The following ITPR1 variants were observed in gnomAD, a reference collection of about 807,000 sequenced individuals.
ITPR1 encodes the protein inositol 1,4,5-trisphosphate-gated calcium channel ITPR1.
In ITPR1, 96 loss-of-function variants were observed where a neutral mutation model predicts 318.4. The observed-to-expected ratio is 0.30, with a 90% confidence interval of 0.26 to 0.36. ITPR1 has a LOEUF of 0.36. Among genes scored for constraint, ITPR1 ranks in the 10% least tolerant of loss-of-function variants. The pLI, the probability that ITPR1 is intolerant of heterozygous loss-of-function variation, is 1.00. For missense variants in ITPR1, 2,440 were observed against 3,460.2 expected (o/e 0.71, Z 7.40); for synonymous variants, 1,312 against 1,289.9 (o/e 1.02, Z -0.37).
intron 60 of ITPR1, among the ~76,000 whole-genome samples, chr3:4,835,576 G>GTT (rs1266615321): frequency 6.6e-6 from 1 of 152,100 alleles, no homozygotes; most frequent in Non-Finnish European, 1.5e-5. Flanking sequence ...GTGTGTGTGT[G>GTT]TGTGGGAGGG....
Position 4,732,124 on chromosome 3 carries a change from C to T in ITPR1, c.5221-964C>T, listed in dbSNP as rs369310031. On this transcript the variant is annotated intron_variant, in intron 42 of 61. Coordinates refer to ENST00000649015, the MANE Select transcript of ITPR1 (RefSeq NM_001378452.1). ...GTGGTCTTGGGGCCCCTTAGGAGTG[C>T]GGGTGAAAGTGTAGAGCTGAGAATG... Among the ~76,000 whole-genome samples, 10 of 152,200 alleles carry T rather than the reference C, an allele frequency of 6.6e-5. No homozygotes were observed. In the South Asian group the frequency reaches 8.3e-4, roughly 13 times the overall value.
chr3:4,534,669 T>A (rs947056401), intron 4 of ITPR1, among the ~76,000 whole-genome samples: 1 of 152,192 alleles, frequency 6.6e-6, no homozygotes, highest in Non-Finnish European at 1.5e-5. Flanking sequence ...CCGGGTACAT[T>A]TGAGTTCCAA....
At chr3:4,518,947 G>A (rs1327492691) in intron 3 of ITPR1, among the ~76,000 whole-genome samples, 3 of 152,106 alleles carry the variant, frequency 2.0e-5, no homozygotes, top group Non-Finnish European at 4.4e-5. Context: ...CAGGATTCTT[G>A]GGCCTCATCC....
At chr3:4,833,322 G>A (rs147839238) in intron 60 of ITPR1, among the ~76,000 whole-genome samples, 119 of 152,286 alleles carry the variant, frequency 7.8e-4, no homozygotes, top group African/African-American at 2.6e-3. Flanking sequence ...TAAACTTTCG[G>A]CTATGTGCAG....
At chr3:4,620,923 C>T (rs146595622) in intron 4 of ITPR1, among the ~76,000 whole-genome samples, 2 of 151,946 alleles carry the variant, frequency 1.3e-5, no homozygotes, top group East Asian at 1.9e-4. Flanking sequence ...TTTTCTGCCA[C>T]CCCCCACCCT....
At chr3:4,754,970 G>A (rs1015132520) in intron 44 of ITPR1, among the ~76,000 whole-genome samples, 38 of 152,286 alleles carry the variant, frequency 2.5e-4, no homozygotes, top group African/African-American at 8.4e-4. Context: ...ACTGGCCTTT[G>A]GCATCTGTTT....
At chr3:4,697,016 C>A in intron 33 of ITPR1, 131 bp from the exon 34 acceptor site, 1 of 674,268 alleles carries the variant, frequency 1.5e-6, no homozygotes, top group African/African-American at 1.8e-5. Context: ...ATCAGAAAAT[C>A]ATAGAAGTAA....
At chr3:4,740,920 A>G (rs1257627685) in intron 44 of ITPR1, among the ~76,000 whole-genome samples, 1 of 152,216 alleles carries the variant, frequency 6.6e-6, no homozygotes, top group Non-Finnish European at 1.5e-5. Flanking sequence ...GTCAGCCCCC[A>G]GAAGAAATAT....
chr3:4,617,313 A>G (rs1035724440), intron 4 of ITPR1, among the ~76,000 whole-genome samples: 9 of 152,118 alleles, frequency 5.9e-5, no homozygotes, highest in East Asian at 3.9e-4. Context: ...GGGAAGTCCA[A>G]TGTCAAGGTG....
At chr3:4,724,706 C>G (rs9866867) in intron 40 of ITPR1, among the ~76,000 whole-genome samples, 6 of 152,094 alleles carry the variant, frequency 3.9e-5, no homozygotes, top group Non-Finnish European at 2.9e-5. Context: ...GCAGATGGAG[C>G]GGTGGACTTT....
chr3:4,508,707 G>A, intron 2 of ITPR1, among the ~76,000 whole-genome samples: 1 of 152,092 alleles, frequency 6.6e-6, no homozygotes, highest in East Asian at 1.9e-4. Context: ...GAGTGGAAGA[G>A]GTTCTAAATA....
intron 59 of ITPR1, chr3:4,816,032 G>A (rs1335800588): frequency 1.3e-5 from 2 of 151,770 alleles, no homozygotes; most frequent in Non-Finnish European, 2.9e-5. Context: ...TAATGTGAGT[G>A]GCTGACAGTG....
intron 4 of ITPR1, among the ~76,000 whole-genome samples, chr3:4,607,429 C>T (rs538770127): frequency 4.6e-5 from 7 of 152,194 alleles, no homozygotes; most frequent in South Asian, 4.1e-4. Context: ...CACCCAGGTC[C>T]GTGTGTTTTA....
intron 4 of ITPR1, among the ~76,000 whole-genome samples, chr3:4,529,251 C>G (rs891553115): frequency 2.0e-5 from 3 of 152,138 alleles, no homozygotes; most frequent in Admixed American, 1.3e-4. Flanking sequence ...AATGGAGAAC[C>G]ATTTTCACTA....
At chr3:4,589,324 G>A (rs2090188876) in intron 4 of ITPR1, among the ~76,000 whole-genome samples, 1 of 152,170 alleles carries the variant, frequency 6.6e-6, no homozygotes, top group African/African-American at 2.4e-5. Flanking sequence ...AATGGTGGTT[G>A]AGGCCCATTT....
intron 4 of ITPR1, among the ~76,000 whole-genome samples, chr3:4,557,015 A>G (rs1247879395): frequency 6.6e-6 from 1 of 152,194 alleles, no homozygotes. Context: ...CAGAAAGGAC[A>G]ATGTAGTAAG....
At position 4,732,967 on chromosome 3, in the gene ITPR1, T is replaced by C. The variant is rs2043028701; in HGVS notation, c.5221-121T>C. 3.1e-6 allele frequency: 3 copies of C among 956,644 alleles called. No homozygotes were observed. In the South Asian group the frequency reaches 4.3e-5, roughly 14 times the overall value. 59.3% of individuals were successfully genotyped at this position (956,644 alleles called of 1,614,324 possible). A position where few individuals can be genotyped will look rare whatever the true frequency, so the allele number is the denominator to read the frequency against. On this transcript the variant is annotated intron_variant, in intron 42 of 61. Transcript: ENST00000649015. ...TTTCTAAATGCTTCCATGAATAATT[T>C]ATTCTTTCGCCAAGTGAAACTGGGC... is the stretch of plus-strand genomic sequence containing the variant.
intron 4 of ITPR1, among the ~76,000 whole-genome samples, chr3:4,614,677 G>T (rs1474098280): frequency 2.0e-5 from 3 of 152,162 alleles, no homozygotes; most frequent in Non-Finnish European, 4.4e-5. Flanking sequence ...CGCATGACAT[G>T]CAACTTGAGC....
At chr3:4,839,714 G>A (rs1461487414) in intron 61 of ITPR1, among the ~76,000 whole-genome samples, 1 of 152,168 alleles carries the variant, frequency 6.6e-6, no homozygotes, top group Non-Finnish European at 1.5e-5. Flanking sequence ...ATAAGCCAAA[G>A]TTTTAGTTTA....
Sources: allele counts gnomAD v4.1 joint callset (sites outside exome capture counted in the v4.1 genomes callset), GRCh38; gene constraint gnomAD v4.1.1; transcripts MANE v1.5; gene names NCBI Gene and HGNC (gene_info 2026-07-23, HGNC 2026-07-21).